Variants in MTSS2 observed in about 807,000 individuals in gnomAD.
MTSS2 encodes MTSS I-BAR domain containing 2.
Under a neutral mutation model 67.1 loss-of-function variants are expected in MTSS2, and 27 were observed. The ratio of observed to expected loss-of-function variants is 0.40; its 90% CI spans 0.30 to 0.55. MTSS2 has a LOEUF of 0.55. Ranked by LOEUF, MTSS2 falls within the 20% of genes least tolerant of loss-of-function variation. The probability of loss-of-function intolerance (pLI) is 0.43; values close to 1 mark genes in which losing one functional copy is unlikely to be tolerated. For synonymous variants in MTSS2, 624 were observed against 468.6 expected, an observed-to-expected ratio of 1.33 and a Z score of -4.28; for missense variants, 1,171 against 1,067.8, an observed-to-expected ratio of 1.10 and a Z score of -1.35.
In MTSS2 at chr16:70,661,486, CAA is replaced by C. The variant is rs2052466821; in HGVS notation, c.*2189_*2190del. ...ACAGCACCAGGAAAGTTACTTCAGT[CAA>C]AAGACGCTTTTGAAAAGAATATTTC... On this transcript the variant is annotated 3_prime_UTR_variant, in exon 15 of 15. Coordinates refer to ENST00000338779, the MANE Select transcript of MTSS2 (RefSeq NM_138383.3). The C allele has an allele frequency of 2.8e-6, 1 of 351,140 alleles. No homozygotes were observed. The highest frequency in any genetic ancestry group is 5.6e-6 in the Non-Finnish European group (1 of 178,134). The allele number at this position is 351,140 out of a possible 1,614,324, so 21.8% of individuals were successfully genotyped here.
Position 70,676,867 on chromosome 16 carries a change from C to G in MTSS2, c.830+14G>C. 6.2e-7 allele frequency: 1 copy of G among 1,611,144 alleles called. No homozygotes were observed. Among genetic ancestry groups the G allele is most frequent in the African/African-American group, 1.3e-5 (1 of 74,976 alleles). Reference sequence around the variant, plus strand: ...ACCGCCCCCCACACCCCTGGGAACCCCACCCCCACTGACCTGCACATGCTG... The same window carrying G: ...ACCGCCCCCCACACCCCTGGGAACCGCACCCCCACTGACCTGCACATGCTG... On this transcript the variant is annotated intron_variant, in intron 10 of 14. Transcript: ENST00000338779.
rs1567479233 is a variant in MTSS2 at position 70,663,488 on chromosome 16, A to G, written c.*189T>C. 3.5e-6 allele frequency: 4 copies of G among 1,144,066 alleles called. No individual in the cohort carries two copies. Among genetic ancestry groups the G allele is most frequent in the Non-Finnish European group, 4.7e-6 (4 of 843,448 alleles). The allele number at this position is 1,144,066 out of a possible 1,614,324, so 70.9% of individuals were successfully genotyped here. Reference sequence around the variant, plus strand: ...CAGGCCTGCAGGCTCCGTCCTGGCCAGGCTTGCTAAGAAGTCACTTCCTGT... The same window carrying G: ...CAGGCCTGCAGGCTCCGTCCTGGCCGGGCTTGCTAAGAAGTCACTTCCTGT... On this transcript the variant is annotated 3_prime_UTR_variant, in exon 15 of 15. Coordinates refer to ENST00000338779, the MANE Select transcript of MTSS2 (RefSeq NM_138383.3).
chr16:70,668,539 A>C (rs1241231690), intron 11 of MTSS2, among the ~76,000 whole-genome samples: 1 of 152,206 alleles, frequency 6.6e-6, no homozygotes, highest in African/African-American at 2.4e-5. Context: ...ACCTACAGAC[A>C]CCTGACTGAT....
intron 11 of MTSS2, among the ~76,000 whole-genome samples, chr16:70,667,884 C>CA (rs1451910515): frequency 6.6e-6 from 1 of 150,904 alleles, no homozygotes; most frequent in East Asian, 2.0e-4. Context: ...GAAAAAAAAC[C>CA]AAAAAACCAA....
In MTSS2 at chr16:70,664,137, G is replaced by T. The variant is rs146676721; in HGVS notation, c.1784C>A (p.Thr595Lys). Residue 595 changes from threonine to lysine, a missense_variant, in exon 15 of 15, where the codon ACG becomes AAG. By Grantham distance (78) the Thr-to-Lys change is moderately conservative. This residue lies in a region of MTSS2 where 924 missense variants were observed against 756.0 expected (regional missense o/e 1.22). Coordinates refer to ENST00000338779, the MANE Select transcript of MTSS2 (RefSeq NM_138383.3). ...PIRPPIVPVK[T>K]PTVPDSPGYM... is the part of the protein sequence containing the mutation. Reference sequence around the variant, plus strand: ...GCCGGGGGAGTCAGGCACCGTGGGCGTCTTCACAGGGACGATGGGCGGCCG... The same window carrying T: ...GCCGGGGGAGTCAGGCACCGTGGGCTTCTTCACAGGGACGATGGGCGGCCG... 6.2e-7 allele frequency: 1 copy of T among 1,610,136 alleles called. No homozygotes were observed. The highest frequency in any genetic ancestry group is 1.1e-5 in the South Asian group (1 of 91,036).
Position 70,680,802 on chromosome 16 carries a change from T to A in MTSS2, c.197A>T (p.Asn66Ile). ...GCCACGCGCCTCCCCACCTCGGGTG[T>A]TGGTAGCCATGTCAGCCACTTTCTG... The part of the protein sequence containing the change: ...AFQKVADMAT[N>I]TRGATRDIGS... The change falls in exon 3 of 15, where the codon AAC becomes ATC. Residue 66 changes from asparagine to isoleucine, a missense_variant. Physicochemically the swap from Asn to Ile is moderately radical, Grantham distance 149. This residue lies in a region of MTSS2 where 247 missense variants were observed against 311.8 expected (regional missense o/e 0.79). Coordinates refer to ENST00000338779, the MANE Select transcript of MTSS2 (RefSeq NM_138383.3). 1 of 1,552,676 alleles carries A rather than the reference T, an allele frequency of 6.4e-7. No individual in the cohort carries two copies. Among genetic ancestry groups the A allele is most frequent in the Non-Finnish European group, 8.7e-7 (1 of 1,148,404 alleles).
In MTSS2 at chr16:70,662,359, CGTGACTTGGT is replaced by C. The variant is rs2052515442; in HGVS notation, c.*1308_*1317del. 1 of 152,356 alleles carries C rather than the reference CGTGACTTGGT, an allele frequency of 6.6e-6. No homozygotes were observed. The highest frequency in any genetic ancestry group is 1.5e-5 in the Non-Finnish European group (1 of 68,154). 9.4% of individuals were successfully genotyped at this position (152,356 alleles called of 1,614,324 possible). ...CGTGCTTTTACCTGCTGAGACTTGGCGTGACTTGGTGCGTGGGGTGGGGGCAGCCTTGCCC... is the reference window on the plus strand; with the variant it reads ...CGTGCTTTTACCTGCTGAGACTTGGCGCGTGGGGTGGGGGCAGCCTTGCCC... On this transcript the variant is annotated 3_prime_UTR_variant, in exon 15 of 15. Coordinates refer to ENST00000338779, the MANE Select transcript of MTSS2 (RefSeq NM_138383.3).
Position 70,679,332 on chromosome 16 carries a change from A to C in MTSS2, c.458-9T>G. The C allele has an allele frequency of 6.2e-7, 1 of 1,613,878 alleles. No individual in the cohort carries two copies. The highest frequency in any genetic ancestry group is 8.5e-7 in the Non-Finnish European group (1 of 1,179,834). ...TGACTTACCAAGTAGCTCTACAGGAAGGATGTGGGAGGAGAGGAGGAGAGA... is the reference window on the plus strand; with the variant it reads ...TGACTTACCAAGTAGCTCTACAGGACGGATGTGGGAGGAGAGGAGGAGAGA... On this transcript the variant is annotated splice_polypyrimidine_tract_variant and intron_variant, in intron 6 of 14. Coordinates refer to ENST00000338779, the MANE Select transcript of MTSS2 (RefSeq NM_138383.3).
chr16:70,671,079 C>CTGCTTACGTTCTTGTTCTCGG (rs2052919728), intron 11 of MTSS2, among the ~76,000 whole-genome samples: 1 of 151,320 alleles, frequency 6.6e-6, no homozygotes, highest in Non-Finnish European at 1.5e-5. Context: ...GGTGGTTATC[C>CTGCTTACGTTCTTGTTCTCGG]TGCTTACGTT....
At chr16:70,676,251 CT>C (rs1428154920) in intron 10 of MTSS2, among the ~76,000 whole-genome samples, 2 of 152,252 alleles carry the variant, frequency 1.3e-5, no homozygotes, top group African/African-American at 2.4e-5. Flanking sequence ...GGAAAGGCCC[CT>C]GATCCTGAGC....
intron 7 of MTSS2, 37 bp from the exon 8 acceptor site, chr16:70,678,446 C>G: frequency 6.3e-7 from 1 of 1,582,830 alleles, no homozygotes; most frequent in Non-Finnish European, 8.6e-7. Flanking sequence ...GCTGGGGATG[C>G]CAGCCTGGCT....
chr16:70,677,103 C>A (rs1190355008), intron 9 of MTSS2, 125 bp from the exon 10 acceptor site: 3 of 685,198 alleles, frequency 4.4e-6, no homozygotes, highest in Non-Finnish European at 7.3e-6. Flanking sequence ...CTGAAGCCCC[C>A]TCCCCCAGGC....
At chr16:70,679,930 C>G (rs1357886210) in intron 4 of MTSS2, 41 bp downstream of exon 4, 15 of 1,506,532 alleles carry the variant, frequency 1.0e-5, no homozygotes, top group Non-Finnish European at 1.3e-5. Context: ...CCGCGACGCC[C>G]CGTCCCCCCG....
In MTSS2 at chr16:70,663,995, G is replaced by A. The variant is rs781049348; in HGVS notation, c.1926C>T (p.Asn642=). The part of the protein sequence containing the change: ...KASPKRLSLP[N]TAWGSPSPEA... The stretch of plus-strand genomic sequence containing the variant: ...CTGGGGATGGGCTGCCCCAGGCTGT[G>A]TTGGGCAGGCTGAGCCTCTTTGGGG... The change falls in exon 15 of 15, where the codon AAC becomes AAT. Residue 642 remains asparagine (N), a synonymous_variant. Transcript: ENST00000338779. The A allele has an allele frequency of 1.2e-5, 19 of 1,594,546 alleles. No individual in the cohort carries two copies. The highest frequency in any genetic ancestry group is 1.5e-5 in the Non-Finnish European group (18 of 1,171,834).
chr16:70,670,162 T>TC (rs2052878643), intron 11 of MTSS2, among the ~76,000 whole-genome samples: 2 of 152,110 alleles, frequency 1.3e-5, no homozygotes, highest in African/African-American at 4.8e-5. Flanking sequence ...TCCCAGCTAC[T>TC]CGGGAGTCTG....
At chr16:70,665,619 G>C in intron 11 of MTSS2, 79 bp from the exon 12 acceptor site, 1 of 1,292,320 alleles carries the variant, frequency 7.7e-7, no homozygotes, top group East Asian at 2.5e-5. Context: ...AACAGTTTTG[G>C]TCACAGAGCT....
In MTSS2 at chr16:70,664,362, T is replaced by A. The variant is rs755688711; in HGVS notation, c.1559A>T (p.Asn520Ile). 10 of 1,591,408 alleles carry A rather than the reference T, an allele frequency of 6.3e-6. No individual in the cohort carries two copies. In the East Asian group the frequency reaches 2.2e-4, roughly 36 times the overall value. Residue 520 changes from asparagine (N) to isoleucine (I), a missense_variant, in exon 15 of 15, where the codon AAC (asparagine) becomes ATC (isoleucine). By Grantham distance (149) the Asn-to-Ile change is moderately radical (BLOSUM62 -3). Around this residue, in one of 2 missense-constraint regions of MTSS2, gnomAD observed 924 missense variants for 756.0 expected, o/e 1.22. Transcript: ENST00000338779. ...EFDKSSTIPR[N>I]SNIAQNYRRL... Reference sequence around the variant, plus strand: ...GCGGTAGTTCTGGGCGATGTTGCTGTTGCGCGGGATGGTGGATGACTTGTC... The same window carrying A: ...GCGGTAGTTCTGGGCGATGTTGCTGATGCGCGGGATGGTGGATGACTTGTC...
intron 1 of MTSS2, among the ~76,000 whole-genome samples, 159 bp from the exon 2 acceptor site, chr16:70,681,184 G>C (rs1034479098): frequency 2.6e-5 from 4 of 152,190 alleles, no homozygotes; most frequent in Non-Finnish European, 5.9e-5. Context: ...TCGGAGGGCA[G>C]AGGACCAAGG....
At position 70,663,935 on chromosome 16, in the gene MTSS2, G is replaced by C; in HGVS notation, c.1986C>G (p.Asp662Glu). The change falls in exon 15 of 15, where the codon GAC (aspartate) becomes GAG (glutamate). Residue 662 changes from aspartate (D) to glutamate (E), a missense_variant. By Grantham distance (45) the Asp-to-Glu change is conservative. Around this residue, in one of 2 missense-constraint regions of MTSS2, gnomAD observed 924 missense variants for 756.0 expected, o/e 1.22. Coordinates refer to ENST00000338779, the MANE Select transcript of MTSS2 (RefSeq NM_138383.3). ...GGTTGGCCGCCAGCTGCTGCTGCTC[G>C]TCCTCGGCCCCTGCCCCGGGGTACC... The part of the protein sequence containing the change: ...AAGYPGAGAE[D>E]EQQQLAANRH... 1 of 1,555,172 alleles carries C rather than the reference G, an allele frequency of 6.4e-7. No homozygotes were observed. The highest frequency in any genetic ancestry group is 8.7e-7 in the Non-Finnish European group (1 of 1,152,358).
Sources: allele counts gnomAD v4.1 joint callset (sites outside exome capture counted in the v4.1 genomes callset), GRCh38; gene constraint gnomAD v4.1.1; regional missense constraint gnomAD v4.1.1; transcripts MANE v1.5; gene names NCBI Gene and HGNC (gene_info 2026-07-23, HGNC 2026-07-21).